The following ARSB variants were observed in gnomAD, a reference collection of about 807,000 sequenced individuals.
ARSB encodes the protein arylsulfatase B.
A neutral mutation model predicts 50.9 loss-of-function variants in ARSB; 41 were observed. That is an observed-to-expected ratio of 0.81 (90% CI 0.63 to 1.04). The LOEUF (loss-of-function observed/expected upper bound fraction) is 1.04. ARSB is among the 50% of genes least tolerant of loss of function. The pLI is 0.00. For synonymous variants in ARSB, 269 were observed against 284.8 expected (o/e 0.94, Z 0.56); for missense variants, 672 against 693.3 (o/e 0.97, Z 0.35).
intron 4 of ARSB, among the ~76,000 whole-genome samples, chr5:78,953,818 T>C (rs1751585370): frequency 6.6e-6 from 1 of 152,142 alleles, no homozygotes; most frequent in Admixed American, 6.5e-5. Flanking sequence ...GGAAGAGAGA[T>C]AATGTTGGCA....
intron 6 of ARSB, among the ~76,000 whole-genome samples, chr5:78,836,597 A>G (rs964887394): frequency 7.2e-5 from 11 of 152,198 alleles, no homozygotes; most frequent in Admixed American, 6.5e-4. Flanking sequence ...AAAATTTTCT[A>G]TTCTAATTTC....
chr5:78,795,794 C>T lies in ARSB; in HGVS notation c.1214-13820G>A, dbSNP rs528597915. The stretch of plus-strand genomic sequence containing the variant: ...ATTTTTATATATGCACTCCACATGA[C>T]GTATTTCAAATGAATCTTAAGTTTA... On this transcript the variant is annotated intron_variant, in intron 6 of 7. Transcript: ENST00000264914. 5.3e-5 allele frequency among the ~76,000 whole-genome samples: 8 copies of T among 152,254 alleles called. No individual in the cohort carries two copies. The South Asian group carries it at 1.0e-3, about 20-fold the overall frequency.
intron 4 of ARSB, among the ~76,000 whole-genome samples, chr5:78,903,766 A>T (rs922073819): frequency 6.6e-6 from 1 of 152,224 alleles, no homozygotes; most frequent in Non-Finnish European, 1.5e-5. Context: ...AAAATAGATA[A>T]GAGATTACAT....
intron 4 of ARSB, among the ~76,000 whole-genome samples, chr5:78,945,945 G>C (rs1751209162): frequency 6.6e-6 from 1 of 152,146 alleles, no homozygotes; most frequent in Non-Finnish European, 1.5e-5. Flanking sequence ...AGCACCCTGG[G>C]CTTCATCCTA....
At chr5:78,960,076 T>C (rs1001186463) in intron 3 of ARSB, among the ~76,000 whole-genome samples, 1 of 152,236 alleles carries the variant, frequency 6.6e-6, no homozygotes, top group Non-Finnish European at 1.5e-5. Flanking sequence ...GTTACTGCCT[T>C]AGCTCCAACC....
chr5:78,914,680 A>G (rs1749461395), intron 4 of ARSB, among the ~76,000 whole-genome samples: 1 of 152,258 alleles, frequency 6.6e-6, no homozygotes, highest in East Asian at 1.9e-4. Context: ...TTATTTCATG[A>G]AAGTCTTTGT....
chr5:78,835,143 T>C (rs1185598200), intron 6 of ARSB, among the ~76,000 whole-genome samples: 1 of 152,156 alleles, frequency 6.6e-6, no homozygotes, highest in Non-Finnish European at 1.5e-5. Context: ...TGCATGTTTC[T>C]CTATGAATGT....
intron 5 of ARSB, chr5:78,884,895 A>C (rs1747935431): frequency 6.6e-6 from 1 of 152,264 alleles, no homozygotes; most frequent in Admixed American, 6.5e-5. Flanking sequence ...CAGGAAAAAG[A>C]CCATCACGAT....
intron 4 of ARSB, among the ~76,000 whole-genome samples, chr5:78,939,096 T>C (rs1354409959): frequency 1.3e-5 from 2 of 152,178 alleles, no homozygotes; most frequent in Admixed American, 6.5e-5. Context: ...GTGGATTATG[T>C]GGGTACTCTG....
intron 2 of ARSB, among the ~76,000 whole-genome samples, chr5:78,965,362 T>C (rs1752159594): frequency 6.6e-6 from 1 of 152,144 alleles, no homozygotes; most frequent in South Asian, 2.1e-4. Flanking sequence ...TTTTAAAGTA[T>C]TAAAATAAGC....
chr5:78,909,084 G>C (rs1366195911), intron 4 of ARSB, among the ~76,000 whole-genome samples: 1 of 152,190 alleles, frequency 6.6e-6, no homozygotes, highest in Non-Finnish European at 1.5e-5. Flanking sequence ...TTCATGCAAG[G>C]AATACTGAAT....
intron 4 of ARSB, among the ~76,000 whole-genome samples, chr5:78,944,191 C>T (rs1013680027): frequency 8.5e-5 from 13 of 152,100 alleles, no homozygotes; most frequent in African/African-American, 3.1e-4. Flanking sequence ...AATCTTTTTT[C>T]AAGGTTTTTA....
At chr5:78,958,003 T>C (rs1751812600) in intron 3 of ARSB, among the ~76,000 whole-genome samples, 1 of 150,594 alleles carries the variant, frequency 6.6e-6, no homozygotes, top group Admixed American at 6.6e-5. Context: ...TCTGTTTTTA[T>C]ATAAAAAAAC....
intron 6 of ARSB, among the ~76,000 whole-genome samples, chr5:78,836,250 G>T (rs1006024706): frequency 6.6e-6 from 1 of 152,240 alleles, no homozygotes; most frequent in Non-Finnish European, 1.5e-5. Context: ...ATTGCCATGT[G>T]TGAGGAGGTG....
intron 5 of ARSB, among the ~76,000 whole-genome samples, chr5:78,857,982 C>T (rs1171886769): frequency 2.6e-5 from 4 of 152,194 alleles, no homozygotes; most frequent in African/African-American, 7.2e-5. Context: ...CAACCTTCAA[C>T]ACTGTGAGGT....
At chr5:78,891,555 C>A (rs1395256460) in intron 4 of ARSB, among the ~76,000 whole-genome samples, 1 of 152,074 alleles carries the variant, frequency 6.6e-6, no homozygotes, top group Non-Finnish European at 1.5e-5. Flanking sequence ...CTGTCCCTCA[C>A]GGAGTGAGTG....
chr5:78,834,981 T>A (rs1744887515), intron 6 of ARSB, among the ~76,000 whole-genome samples: 2 of 136,180 alleles, frequency 1.5e-5, no homozygotes, highest in Non-Finnish European at 1.6e-5. Flanking sequence ...CCTTCCTTCC[T>A]TTTTCCACTC....
At chr5:78,927,331 T>C (rs533211172) in intron 4 of ARSB, among the ~76,000 whole-genome samples, 1 of 152,306 alleles carries the variant, frequency 6.6e-6, no homozygotes, top group South Asian at 2.1e-4. Context: ...CAATTCAACT[T>C]TACCACATTT....
intron 3 of ARSB, among the ~76,000 whole-genome samples, chr5:78,963,812 C>A (rs1463906062): frequency 1.3e-5 from 2 of 152,042 alleles, no homozygotes; most frequent in South Asian, 2.1e-4. Flanking sequence ...AAATATAAAT[C>A]CAAGCAGACA....
Sources: gnomAD v4.1 joint callset for allele counts (sites outside exome capture counted in the v4.1 genomes callset) on GRCh38, gnomAD v4.1.1 for gene constraint, MANE v1.5 for transcripts, NCBI Gene and HGNC (gene_info 2026-07-23, HGNC 2026-07-21) for gene names.